Variants in TRPC5 observed in about 807,000 individuals in gnomAD.
TRPC5 encodes short transient receptor potential channel 5.
Under a neutral mutation model 56.5 loss-of-function variants are expected in TRPC5, and 9 were observed. That is an observed-to-expected ratio of 0.16 (90% confidence interval 0.10 to 0.28). The LOEUF is 0.28. Among genes scored for constraint, TRPC5 ranks in the 10% least tolerant of loss-of-function variants. The probability of loss-of-function intolerance (pLI) is 1.00; values close to 1 mark genes in which losing one functional copy is unlikely to be tolerated. For synonymous variants in TRPC5, 282 were observed against 278.5 expected, an observed-to-expected ratio of 1.01 and a Z score of -0.13; for missense variants, 469 against 748.9, an observed-to-expected ratio of 0.63 and a Z score of 4.36.
chrX:112,025,013 A>G (rs1300555282), intron 1 of TRPC5, among the ~76,000 whole-genome samples: 1 of 112,463 alleles, frequency 8.9e-6, no homozygotes, highest in Non-Finnish European at 1.9e-5. Context: ...TCTTTTAGCC[A>G]AGAATCATTT....
chrX:111,860,065 C>T (rs763646915), intron 3 of TRPC5, among the ~76,000 whole-genome samples: 2 of 95,476 alleles, frequency 2.1e-5, no homozygotes, highest in African/African-American at 1.3e-4. Context: ...CCCGCCACCA[C>T]GACCGGCTAA....
At chrX:111,924,582 G>A (rs762744597) in intron 2 of TRPC5, among the ~76,000 whole-genome samples, 2 of 111,588 alleles carry the variant, frequency 1.8e-5, no homozygotes, top group Admixed American at 9.5e-5. Flanking sequence ...TCCATGCTCC[G>A]TATACCTGTC....
In TRPC5 at chrX:111,773,942, G is replaced by A. The variant is rs1463258607; in HGVS notation, c.*2371C>T. Among the ~76,000 whole-genome samples the A allele has an allele frequency of 2.7e-5, 3 of 111,147 alleles. No homozygotes were observed. Among genetic ancestry groups the A allele is most frequent in the Admixed American group, 1.9e-4 (2 of 10,448 alleles). On this transcript the variant is annotated 3_prime_UTR_variant, in exon 11 of 11. Transcript: ENST00000262839. Reference sequence around the variant, plus strand: ...TGAATTAGAGTTAATAAAAATGTTGGTGTCACCAACATGGAAGTTAGGGCA... The same window carrying A: ...TGAATTAGAGTTAATAAAAATGTTGATGTCACCAACATGGAAGTTAGGGCA...
intron 1 of TRPC5, among the ~76,000 whole-genome samples, chrX:111,995,333 T>C (rs1210408655): frequency 8.9e-6 from 1 of 112,044 alleles, no homozygotes; most frequent in Non-Finnish European, 1.9e-5. Context: ...TTTTGGTAGA[T>C]AAGCTTTTTG....
rs1434540499 is a variant in TRPC5 at position 111,946,089 on chromosome X, A to G, written c.378+5954T>C. Reference sequence around the variant, plus strand: ...GAGATTGTCAGAGCAATGGAAGAAAATGAAATTTAGCAGAGGCTCATGTTG... The same window carrying G: ...GAGATTGTCAGAGCAATGGAAGAAAGTGAAATTTAGCAGAGGCTCATGTTG... On this transcript the variant is annotated intron_variant, in intron 2 of 10. Coordinates refer to ENST00000262839, the MANE Select transcript of TRPC5 (RefSeq NM_012471.3). Among the ~76,000 whole-genome samples, 3 of 112,370 alleles carry G rather than the reference A, an allele frequency of 2.7e-5. No homozygotes were observed. The East Asian group carries it at 8.4e-4, about 32-fold the overall frequency.
chrX:111,854,734 TTC>T (rs1357622258), intron 3 of TRPC5, among the ~76,000 whole-genome samples: 5 of 111,696 alleles, frequency 4.5e-5, no homozygotes, highest in Non-Finnish European at 9.4e-5. Flanking sequence ...TGAAAATGAG[TTC>T]TCTGTTATAT....
rs531031609 is a variant in TRPC5, at chrX:111,864,358, A to G, written c.901-10252T>C. Among the ~76,000 whole-genome samples, 4 of 112,141 alleles carry G rather than the reference A, an allele frequency of 3.6e-5. No individual in the cohort carries two copies. In the South Asian group the frequency reaches 1.5e-3, roughly 42 times the overall value. Reference sequence around the variant, plus strand: ...TTTCTTTAGCCTATTATTTGACCCAATTGTTATCTACTGCCTCAGGCAGCC... The same window carrying G: ...TTTCTTTAGCCTATTATTTGACCCAGTTGTTATCTACTGCCTCAGGCAGCC... On this transcript the variant is annotated intron_variant, in intron 3 of 10. Transcript: ENST00000262839.
At chrX:111,905,766 T>C (rs1194145673) in intron 3 of TRPC5, among the ~76,000 whole-genome samples, 1 of 109,004 alleles carries the variant, frequency 9.2e-6, no homozygotes, top group Non-Finnish European at 1.9e-5. Flanking sequence ...TACAAAAAAA[T>C]TAGCTGGGCG....
chrX:111,998,218 G>A (rs140677334), intron 1 of TRPC5, among the ~76,000 whole-genome samples: 2 of 111,861 alleles, frequency 1.8e-5, no homozygotes, highest in African/African-American at 6.5e-5. Flanking sequence ...GGGAGCTGCA[G>A]ACCAGAGCTG....
chrX:112,073,264 G>A (rs1468691412), intron 1 of TRPC5, among the ~76,000 whole-genome samples: 1 of 110,262 alleles, frequency 9.1e-6, no homozygotes, highest in Non-Finnish European at 1.9e-5. Context: ...ATAAATTTTT[G>A]TTTGTTTGTT....
At chrX:112,056,490 G>T (rs1371251419) in intron 1 of TRPC5, among the ~76,000 whole-genome samples, 1 of 112,465 alleles carries the variant, frequency 8.9e-6, no homozygotes, top group African/African-American at 3.2e-5. Context: ...CAATTATCCA[G>T]CTGTGTGATA....
At chrX:111,978,190 CAAT>C (rs1307073069) in intron 1 of TRPC5, among the ~76,000 whole-genome samples, 1 of 111,684 alleles carries the variant, frequency 9.0e-6, no homozygotes, top group African/African-American at 3.2e-5. Flanking sequence ...GCATTATTCA[CAAT>C]AGCCAAAATA....
At chrX:112,068,087 T>C (rs1228292588) in intron 1 of TRPC5, among the ~76,000 whole-genome samples, 1 of 112,387 alleles carries the variant, frequency 8.9e-6, no homozygotes, top group African/African-American at 3.2e-5. Flanking sequence ...AAATGGATGC[T>C]CTTTTCACCA....
intron 7 of TRPC5, among the ~76,000 whole-genome samples, chrX:111,828,768 G>C (rs1922315001): frequency 8.9e-6 from 1 of 111,830 alleles, no homozygotes; most frequent in African/African-American, 3.3e-5. Context: ...GAACGTCCTA[G>C]AGACGTGTTG....
intron 1 of TRPC5, among the ~76,000 whole-genome samples, chrX:111,970,454 C>T (rs953207610): frequency 9.0e-6 from 1 of 111,196 alleles, no homozygotes; most frequent in Non-Finnish European, 1.9e-5. Flanking sequence ...TTTTGCATAT[C>T]GGGTGCTCTA....
chrX:111,979,594 A>T (rs986999490), intron 1 of TRPC5, among the ~76,000 whole-genome samples: 1 of 111,584 alleles, frequency 9.0e-6, no homozygotes, highest in Non-Finnish European at 1.9e-5. Context: ...CTCATTCAGA[A>T]CATATAAAGA....
chrX:112,081,128 G>C (rs749858341), intron 1 of TRPC5, among the ~76,000 whole-genome samples: 10 of 112,139 alleles, frequency 8.9e-5, no homozygotes, highest in Admixed American at 8.5e-4. Flanking sequence ...AGCCCAGGTT[G>C]TAATAGGGAA....
intron 3 of TRPC5, among the ~76,000 whole-genome samples, chrX:111,863,065 A>T (rs967243072): frequency 8.9e-6 from 1 of 112,208 alleles, no homozygotes; most frequent in Non-Finnish European, 1.9e-5. Context: ...TTCATGATGT[A>T]TGAATCAGGG....
At chrX:111,933,484 G>A (rs1285159724) in intron 2 of TRPC5, among the ~76,000 whole-genome samples, 1 of 110,577 alleles carries the variant, frequency 9.0e-6, no homozygotes, top group Non-Finnish European at 1.9e-5. Flanking sequence ...TGTGCATAAG[G>A]GCTATATATA....
Sources: allele counts gnomAD v4.1 joint callset (sites outside exome capture counted in the v4.1 genomes callset), GRCh38; gene constraint gnomAD v4.1.1; transcripts MANE v1.5; gene names NCBI Gene and HGNC (gene_info 2026-07-23, HGNC 2026-07-21).